The following ATRX variants were observed in gnomAD, a reference collection of about 807,000 sequenced individuals.
ATRX encodes the protein ATRX chromatin remodeler.
ATRX carries 12 observed loss-of-function variants against 172.6 expected under a neutral mutation model. The observed-to-expected ratio is 0.07, with a 90% CI of 0.04 to 0.11. The LOEUF is 0.11. Among genes scored for constraint, ATRX ranks in the 10% least tolerant of loss-of-function variants. The probability of loss-of-function intolerance (pLI) is 1.00; values close to 1 mark genes in which losing one functional copy is unlikely to be tolerated. For synonymous variants in ATRX, 674 were observed against 594.7 expected (o/e 1.13, Z -1.94); for missense variants, 1,368 against 1,767.4 (o/e 0.77, Z 4.05).
intron 30 of ATRX, among the ~76,000 whole-genome samples, chrX:77,533,110 G>A (rs2063634607): frequency 8.9e-6 from 1 of 112,305 alleles, no homozygotes; most frequent in South Asian, 3.7e-4. Context: ...ATGCCAATCA[G>A]AATGGCTATT....
intron 1 of ATRX, among the ~76,000 whole-genome samples, chrX:77,723,699 C>T (rs1373681073): frequency 9.0e-6 from 1 of 111,368 alleles, no homozygotes; most frequent in Non-Finnish European, 1.9e-5. Context: ...TACATGTCAA[C>T]TCACAGCACC....
At chrX:77,623,695 T>A (rs2067692439) in intron 19 of ATRX, among the ~76,000 whole-genome samples, 1 of 111,951 alleles carries the variant, frequency 8.9e-6, no homozygotes, top group African/African-American at 3.2e-5. Flanking sequence ...GCCAAAAAGA[T>A]AATCCACCAT....
intron 15 of ATRX, 96 bp downstream of exon 15, chrX:77,652,018 G>A: frequency 2.1e-6 from 2 of 947,473 alleles, no homozygotes; most frequent in East Asian, 3.1e-5. Flanking sequence ...GCCAAGGTAG[G>A]AGGATCACTT....
At chrX:77,669,155 T>G (rs1203242008) in intron 10 of ATRX, among the ~76,000 whole-genome samples, 2 of 111,561 alleles carry the variant, frequency 1.8e-5, no homozygotes, top group Admixed American at 1.9e-4. Context: ...AGGAAATGAC[T>G]CAGCCAAAGA....
intron 28 of ATRX, among the ~76,000 whole-genome samples, chrX:77,561,220 A>G (rs183711387): frequency 1.4e-4 from 15 of 110,362 alleles, no homozygotes; most frequent in African/African-American, 4.3e-4. Flanking sequence ...CCAGTTATTA[A>G]TATCTATCCC....
In ATRX at chrX:77,633,855, G is replaced by A. The variant is rs1166162745; in HGVS notation, c.4810-143C>T. 3 of 598,436 alleles carry A rather than the reference G, an allele frequency of 5.0e-6. No homozygotes were observed. The African/African-American group carries it at 6.9e-5, about 14-fold the overall frequency. 49.3% of individuals were successfully genotyped at this position (598,436 alleles called of 1,213,427 possible). A position where few individuals can be genotyped will look rare whatever the true frequency, so the allele number is the denominator to read the frequency against. On this transcript the variant is annotated intron_variant, in intron 17 of 34. Transcript: ENST00000373344. ...AAACCAGGCAAGGCACAGGGAAAGA[G>A]ATAGTAAAATGCCAAAGTTCAACTA...
At chrX:77,691,956 G>T (rs1233148229) in intron 6 of ATRX, among the ~76,000 whole-genome samples, 1 of 111,787 alleles carries the variant, frequency 8.9e-6, no homozygotes, top group Non-Finnish European at 1.9e-5. Context: ...CCTTAAGCGT[G>T]ATACCAAAAC....
At chrX:77,530,603 C>T (rs1232896038) in intron 30 of ATRX, among the ~76,000 whole-genome samples, 1 of 98,539 alleles carries the variant, frequency 1.0e-5, no homozygotes, top group African/African-American at 3.7e-5. Context: ...AGTGAGACTC[C>T]GTCTCAAAAC....
At chrX:77,766,732 C>T (rs1264795549) in intron 1 of ATRX, among the ~76,000 whole-genome samples, 3 of 104,314 alleles carry the variant, frequency 2.9e-5, no homozygotes, top group Non-Finnish European at 5.9e-5. Flanking sequence ...TCCTCACTTT[C>T]CAGACTGGGC....
chrX:77,774,122 T>C (rs1221463006), intron 1 of ATRX, among the ~76,000 whole-genome samples: 1 of 109,623 alleles, frequency 9.1e-6, no homozygotes. Context: ...CTCGGGTGGC[T>C]GAGGTAGGAG....
chrX:77,628,124 A>C (rs1240723550), intron 19 of ATRX, among the ~76,000 whole-genome samples: 4 of 112,491 alleles, frequency 3.6e-5, no homozygotes, highest in African/African-American at 1.3e-4. Flanking sequence ...AGCCTGACTA[A>C]AAGAGTCTGT....
intron 28 of ATRX, among the ~76,000 whole-genome samples, chrX:77,569,632 A>T (rs2065333233): frequency 8.9e-6 from 1 of 111,972 alleles, no homozygotes; most frequent in South Asian, 3.7e-4. Context: ...AACAAAAATT[A>T]AAAATACAGT....
rs375678771 is a variant in ATRX at position 77,766,671 on chromosome X, G to C, written c.20+19311C>G. Among the ~76,000 whole-genome samples the C allele has an allele frequency of 3.5e-4, 37 of 107,043 alleles. 1 individual carries two copies. In the South Asian group the frequency reaches 0.015, roughly 45 times the overall value. The allele number at this position is 107,043 out of a possible 115,157, so 93.0% of individuals were successfully genotyped here. A position where few individuals can be genotyped will look rare whatever the true frequency, so the allele number is the denominator to read the frequency against. On this transcript the variant is annotated intron_variant, in intron 1 of 34. Coordinates refer to ENST00000373344, the MANE Select transcript of ATRX (RefSeq NM_000489.6). Reference sequence around the variant, plus strand: ...CACTTCCTAGATGGGATGGCGGCCGGGAAAAGGCGCTCCTCACTTCCTAGA... The same window carrying C: ...CACTTCCTAGATGGGATGGCGGCCGCGAAAAGGCGCTCCTCACTTCCTAGA...
intron 27 of ATRX, among the ~76,000 whole-genome samples, chrX:77,587,683 G>A (rs2066079393): frequency 8.9e-6 from 1 of 111,744 alleles, no homozygotes; most frequent in African/African-American, 3.3e-5. Context: ...CAGATGACAT[G>A]ATCTTGTATA....
At chrX:77,571,617 T>C (rs2065415505) in intron 28 of ATRX, among the ~76,000 whole-genome samples, 1 of 111,667 alleles carries the variant, frequency 9.0e-6, no homozygotes, top group Non-Finnish European at 1.9e-5. Flanking sequence ...GAGCGAGCTT[T>C]GTGGTGATGG....
At chrX:77,602,542 T>G (rs2148170188) in intron 22 of ATRX, among the ~76,000 whole-genome samples, 1 of 109,844 alleles carries the variant, frequency 9.1e-6, no homozygotes, top group African/African-American at 3.3e-5. Context: ...TACAGGTATT[T>G]ACCACCATAC....
chrX:77,778,416 T>TAA lies in ATRX; in HGVS notation c.20+7564_20+7565dup, dbSNP rs782076675. Among the ~76,000 whole-genome samples the TAA allele has an allele frequency of 4.0e-3, 330 of 81,565 alleles. 3 individuals are homozygous for TAA. The highest frequency in any genetic ancestry group is 0.014 in the African/African-American group (316 of 22,113). The allele number at this position is 81,565 out of a possible 115,157, so 70.8% of individuals were successfully genotyped here. Reference sequence around the variant, plus strand: ...GGTGACAGAGGAAGTCCCTGTCTCTTAAAAAAAAAAAAAAAAGCACAATAG... The same window carrying TAA: ...GGTGACAGAGGAAGTCCCTGTCTCTTAAAAAAAAAAAAAAAAAAGCACAATAG... On this transcript the variant is annotated intron_variant, in intron 1 of 34. Coordinates refer to ENST00000373344, the MANE Select transcript of ATRX (RefSeq NM_000489.6).
At chrX:77,716,520 G>A (rs782107952) in intron 2 of ATRX, among the ~76,000 whole-genome samples, 1 of 107,831 alleles carries the variant, frequency 9.3e-6, no homozygotes, top group Non-Finnish European at 1.9e-5. Context: ...GGAGGCCAAC[G>A]AGGGCAGATC....
rs782068117 is a variant in ATRX, at chrX:77,730,418, C to T, written c.21-13175G>A. On this transcript the variant is annotated intron_variant, in intron 1 of 34. Transcript: ENST00000373344. Reference sequence around the variant, plus strand: ...GGAGACTTCAATATCCCACTTTCAGCATTGGACAGACCTTCCAAAGAAAAC... The same window carrying T: ...GGAGACTTCAATATCCCACTTTCAGTATTGGACAGACCTTCCAAAGAAAAC... Among the ~76,000 whole-genome samples the T allele has an allele frequency of 8.0e-5, 9 of 111,805 alleles. No homozygotes were observed. The South Asian group carries it at 3.4e-3, about 42-fold the overall frequency.
Sources: gnomAD v4.1 joint callset for allele counts (sites outside exome capture counted in the v4.1 genomes callset) on GRCh38, gnomAD v4.1.1 for gene constraint, MANE v1.5 for transcripts, NCBI Gene and HGNC (gene_info 2026-07-23, HGNC 2026-07-21) for gene names.